NCL: variants seen among roughly 807,000 people sequenced by gnomAD.
NCL encodes nucleolin multifunctional protein.
Under a neutral mutation model 77.7 loss-of-function variants are expected in NCL, and 4 were observed. The observed-to-expected ratio is 0.05, with a 90% CI of 0.03 to 0.12. The LOEUF (loss-of-function observed/expected upper bound fraction) is 0.12. Among genes scored for constraint, NCL ranks in the 10% least tolerant of loss-of-function variants. NCL has a pLI of 1.00. For missense variants in NCL, 763 were observed against 860.9 expected (o/e 0.89, Z 1.42); for synonymous variants, 344 against 297.8 (o/e 1.16, Z -1.60).
intron 9 of NCL, 58 bp from the exon 10 acceptor site, chr2:231,457,182 C>T: frequency 1.2e-6 from 2 of 1,605,958 alleles, no homozygotes; most frequent in East Asian, 4.5e-5. Context: ...CAGCTTCGGT[C>T]ACAACAGTAA....
Position 231,453,628 on chromosome 2 carries a change from ACTG to A in NCL, c.*1560_*1562del, listed in dbSNP as rs1407945012. ...GGCTTGCCTCATAGGAGACCCTCCC[ACTG>A]CTTTTTCATCGTAGTTACAACCCTG... On this transcript the variant is annotated 3_prime_UTR_variant, in exon 14 of 14. Transcript: ENST00000322723. The A allele has an allele frequency of 6.5e-6, 1 of 153,984 alleles. No homozygotes were observed. Among genetic ancestry groups the A allele is most frequent in the East Asian group, 1.9e-4 (1 of 5,234 alleles). 9.5% of individuals were successfully genotyped at this position (153,984 alleles called of 1,614,324 possible).
chr2:231,457,573 A>T, intron 9 of NCL, 70 bp downstream of exon 9: 1 of 1,390,680 alleles, frequency 7.2e-7, no homozygotes, highest in African/African-American at 1.4e-5. Flanking sequence ...TTATAAACTT[A>T]TGAAATACAA....
intron 8 of NCL, 38 bp from the exon 9 acceptor site, chr2:231,457,838 C>A: frequency 6.5e-7 from 1 of 1,540,450 alleles, no homozygotes; most frequent in South Asian, 1.2e-5. Flanking sequence ...TTTTTAAAAC[C>A]ATATTAACAC....
intron 3 of NCL, among the ~76,000 whole-genome samples, 169 bp from the exon 4 acceptor site, chr2:231,461,035 T>C (rs1342557296): frequency 2.0e-5 from 3 of 152,116 alleles, no homozygotes; most frequent in Non-Finnish European, 2.9e-5. Context: ...TCCTAGCACT[T>C]TGGGAGACCA....
chr2:231,460,699 C>G lies in NCL; in HGVS notation c.781G>C (p.Asp261His). The change falls in exon 4 of 14, where the codon GAT becomes CAT. Residue 261 changes from aspartate (D) to histidine (H), a missense_variant. Asp to His is a moderately conservative substitution (Grantham distance 81, BLOSUM62 -1). Around this residue, in one of 2 missense-constraint regions of NCL, gnomAD observed 590 missense variants for 570.5 expected, o/e 1.03. Transcript: ENST00000322723. ...TCCTCCTCTTCTTCCTCCTCCTCAT[C>G]ATCTTCATCATCATCATCTTCATCA... ...EDDEDDDDED[D>H]EEEEEEEEEE... 4 of 1,610,298 alleles carry G rather than the reference C, an allele frequency of 2.5e-6. No individual in the cohort carries two copies. The highest frequency in any genetic ancestry group is 3.4e-6 in the Non-Finnish European group (4 of 1,177,784).
chr2:231,460,468 T>C lies in NCL; in HGVS notation c.898+10A>G. On this transcript the variant is annotated intron_variant, in intron 5 of 13. Transcript: ENST00000322723. ...TTATCTCCCCCATATCCCCTAATTC[T>C]GCAAGTTACCTTCCACTTTCTGTTT... The C allele has an allele frequency of 1.2e-6, 2 of 1,613,006 alleles. No homozygotes were observed. The highest frequency in any genetic ancestry group is 1.7e-6 in the Non-Finnish European group (2 of 1,178,916).
chr2:231,460,449 C>A lies in NCL; in HGVS notation c.898+29G>T, dbSNP rs768012189. The A allele has an allele frequency of 1.6e-5, 25 of 1,603,338 alleles. No homozygotes were observed. In the Admixed American group the frequency reaches 3.8e-4, roughly 25 times the overall value. On this transcript the variant is annotated intron_variant, in intron 5 of 13. Coordinates refer to ENST00000322723, the MANE Select transcript of NCL (RefSeq NM_005381.3). ...TATTCATCATTTGTGCTGTTTATCTCCCCCATATCCCCTAATTCTGCAAGT... is the reference window on the plus strand; with the variant it reads ...TATTCATCATTTGTGCTGTTTATCTACCCCATATCCCCTAATTCTGCAAGT...
At position 231,454,058 on chromosome 2, in the gene NCL, A is replaced by T. The variant is rs1165823318; in HGVS notation, c.*1133T>A. 1 of 141,346 alleles carries T rather than the reference A, an allele frequency of 7.1e-6. No homozygotes were observed. The highest frequency in any genetic ancestry group is 1.6e-5 in the Non-Finnish European group (1 of 62,816). 8.8% of individuals were successfully genotyped at this position (141,346 alleles called of 1,614,324 possible). ...AAGCAATATACGTAGTGCAGAACAA[A>T]TGGCTTTTTGGGGGTTTACTGGATG... is the stretch of plus-strand genomic sequence containing the variant. On this transcript the variant is annotated 3_prime_UTR_variant, in exon 14 of 14. Transcript: ENST00000322723.
At chr2:231,457,345 T>G (rs1185644048) in intron 9 of NCL, 2 of 780,450 alleles carry the variant, frequency 2.6e-6, no homozygotes, top group Non-Finnish European at 4.5e-6. Flanking sequence ...CTGGTCTGTT[T>G]TCCTAGAATC....
intron 11 of NCL, 55 bp downstream of exon 11, chr2:231,456,576 A>G (rs1463495419): frequency 1.2e-5 from 19 of 1,608,838 alleles, no homozygotes; most frequent in Non-Finnish European, 1.6e-5. Flanking sequence ...CAAAAAATAA[A>G]CAAAGCACCG....
rs1483922986 is a variant in NCL at position 231,455,249 on chromosome 2, C to A, written c.2075G>T (p.Gly692Val). 1.2e-6 allele frequency: 2 copies of A among 1,613,994 alleles called. No homozygotes were observed. The highest frequency in any genetic ancestry group is 2.7e-5 in the African/African-American group (2 of 74,924). ...GTGGTCACCTCCTCCTCCTCTGCCT[C>A]CTCGGAAGCCTCCTCGCCCTACAGG... ...GGFGGRGGFR[G>V]GRGGGGDHKP... Residue 692 changes from glycine (G) to valine (V), a missense_variant, in exon 14 of 14, where the codon GGA (glycine) becomes GTA (valine). Gly to Val is a moderately radical substitution (Grantham distance 109). Around this residue, in one of 2 missense-constraint regions of NCL, gnomAD observed 173 missense variants for 290.4 expected, o/e 0.60. Transcript: ENST00000322723.
In NCL at chr2:231,460,839, G is replaced by A. The variant is rs977664411; in HGVS notation, c.641C>T (p.Thr214Ile). 1 of 1,613,992 alleles carries A rather than the reference G, an allele frequency of 6.2e-7. No homozygotes were observed. The highest frequency in any genetic ancestry group is 1.3e-5 in the African/African-American group (1 of 74,904). ...TGCAGCTTTCTTTCCTTTGGCTGGT[G>A]TAGTCTCCATAGCTTCTTCTTCAGA... ...DDSEEEAMET[T>I]PAKGKKAAKV... The change falls in exon 4 of 14, where the codon ACA (threonine) becomes ATA (isoleucine). Residue 214 changes from threonine (T) to isoleucine (I), a missense_variant. Coordinates refer to ENST00000322723, the MANE Select transcript of NCL (RefSeq NM_005381.3).
At chr2:231,455,347 CACAGGGTCTG>C in intron 13 of NCL, 44 bp downstream of exon 13, 1 of 1,613,448 alleles carries the variant, frequency 6.2e-7, no homozygotes, top group South Asian at 1.1e-5. Flanking sequence ...CGTGACAGGG[CACAGGGTCTG>C]AAGAGCACAT....
chr2:231,462,856 G>A, intron 2 of NCL: 2 of 328,176 alleles, frequency 6.1e-6, no homozygotes, highest in Non-Finnish European at 1.2e-5. Flanking sequence ...AAAGGAATCT[G>A]GTAAGGTTAT....
In NCL at chr2:231,463,230, T is replaced by A. The variant is rs1253221341; in HGVS notation, c.105A>T (p.Glu35Asp). The A allele has an allele frequency of 6.2e-7, 1 of 1,611,452 alleles. No homozygotes were observed. Residue 35 changes from glutamate (E) to aspartate (D), a missense_variant, in exon 2 of 14, where the codon GAA becomes GAT. Physicochemically the swap from Glu to Asp is conservative, Grantham distance 45. Transcript: ENST00000322723. ...CTCCACTGCTATCATCTTCTTCATC[T>A]TCTGACATTTCCTCATCTTCACTAT... The part of the protein sequence containing the change: ...EEDSEDEEMS[E>D]DEEDDSSGEE...
At position 231,461,530 on chromosome 2, in the gene NCL, A is replaced by C; in HGVS notation, c.613+10T>G. 1.2e-6 allele frequency: 2 copies of C among 1,611,602 alleles called. No homozygotes were observed. The highest frequency in any genetic ancestry group is 1.7e-6 in the Non-Finnish European group (2 of 1,178,570). On this transcript the variant is annotated intron_variant, in intron 3 of 13. Transcript: ENST00000322723. ...TCAGAAGCCCAGTAACTACCAAGAC[A>C]ACTCCTTACCATCTTCCTCATCGTC...
Position 231,455,248 on chromosome 2 carries a change from T to G in NCL, c.2076A>C (p.Gly692=), listed in dbSNP as rs1457533760. Residue 692 remains glycine, a synonymous_variant, in exon 14 of 14, where the codon GGA becomes GGC. Transcript: ENST00000322723. ...GGFGGRGGFR[G]GRGGGGDHKP... ...TGTGGTCACCTCCTCCTCCTCTGCC[T>G]CCTCGGAAGCCTCCTCGCCCTACAG... 6 of 1,614,068 alleles carry G rather than the reference T, an allele frequency of 3.7e-6. No individual in the cohort carries two copies. Among genetic ancestry groups the G allele is most frequent in the Admixed American group, 3.3e-5 (2 of 60,020 alleles).
rs1406767273 is a variant in NCL at position 231,458,490 on chromosome 2, A to G, written c.1166-101T>C. 3 of 1,377,682 alleles carry G rather than the reference A, an allele frequency of 2.2e-6. No homozygotes were observed. The Admixed American group carries it at 6.5e-5, about 30-fold the overall frequency. 85.3% of individuals were successfully genotyped at this position (1,377,682 alleles called of 1,614,324 possible). A position where few individuals can be genotyped will look rare whatever the true frequency, so the allele number is the denominator to read the frequency against. On this transcript the variant is annotated intron_variant, in intron 7 of 13. Transcript: ENST00000322723. ...AAACACACATAGCTCTATTCAACAA[A>G]TAATTTGAGATCCTATAATGTACAA...
intron 2 of NCL, 81 bp downstream of exon 2, chr2:231,463,119 T>C (rs2046967694): frequency 9.7e-7 from 1 of 1,028,652 alleles, no homozygotes; most frequent in Non-Finnish European, 1.5e-6. Flanking sequence ...ATCTTATTTT[T>C]GCCACAGATA....
Sources: allele counts gnomAD v4.1 joint callset (sites outside exome capture counted in the v4.1 genomes callset), GRCh38; gene constraint gnomAD v4.1.1; regional missense constraint gnomAD v4.1.1; transcripts MANE v1.5; gene names NCBI Gene and HGNC (gene_info 2026-07-23, HGNC 2026-07-21).